The following NPAS2 variants were observed in gnomAD, a reference collection of about 807,000 sequenced individuals.
The protein encoded by NPAS2 is neuronal PAS domain protein 2, also known as neuronal PAS domain-containing protein 2.
Under a neutral mutation model 107.5 loss-of-function variants are expected in NPAS2, and 23 were observed. The ratio of observed to expected loss-of-function variants is 0.21; its 90% CI spans 0.15 to 0.30. The LOEUF (loss-of-function observed/expected upper bound fraction) is 0.30. NPAS2 is among the 10% of genes least tolerant of loss of function. The pLI is 1.00. For missense variants in NPAS2, 756 were observed against 1,043.3 expected, an observed-to-expected ratio of 0.72 and a Z score of 3.79; for synonymous variants, 403 against 417.5, an observed-to-expected ratio of 0.97 and a Z score of 0.42.
intron 1 of NPAS2, among the ~76,000 whole-genome samples, chr2:100,831,117 T>C (rs1676705247): frequency 6.6e-6 from 1 of 151,958 alleles, no homozygotes; most frequent in African/African-American, 2.4e-5. Flanking sequence ...CTGGGCAACA[T>C]GGTGAAACCG....
chr2:100,843,674 T>C (rs1454992988), intron 1 of NPAS2, among the ~76,000 whole-genome samples: 1 of 152,210 alleles, frequency 6.6e-6, no homozygotes, highest in East Asian at 1.9e-4. Context: ...CACACTTCAG[T>C]GTTCACTTTA....
Position 100,873,311 on chromosome 2 carries a change from C to T in NPAS2, c.-22-31422C>T, listed in dbSNP as rs201237259. ...ATATATATATATATATATATATACA[C>T]ACACACACACACACACACACACACA... On this transcript the variant is annotated intron_variant, in intron 1 of 20. Coordinates refer to ENST00000335681, the MANE Select transcript of NPAS2 (RefSeq NM_002518.4). Among the ~76,000 whole-genome samples, 372 of 38,818 alleles carry T rather than the reference C, an allele frequency of 9.6e-3. 1 individual carries two copies. Among genetic ancestry groups the T allele is most frequent in the African/African-American group, 0.014 (179 of 12,526 alleles). 25.5% of individuals were successfully genotyped at this position (38,818 alleles called of 152,430 possible).
intron 1 of NPAS2, among the ~76,000 whole-genome samples, chr2:100,831,349 T>C (rs1182506603): frequency 1.3e-5 from 2 of 152,094 alleles, no homozygotes; most frequent in Non-Finnish European, 2.9e-5. Context: ...ACGTCAGCAC[T>C]TCAGTTTGTG....
intron 1 of NPAS2, among the ~76,000 whole-genome samples, chr2:100,826,210 G>A (rs1676365324): frequency 1.3e-5 from 2 of 152,152 alleles, no homozygotes; most frequent in South Asian, 4.1e-4. Context: ...TTGGGAGGCC[G>A]AGGCGGGCGG....
At chr2:100,986,959 CAG>C (rs1169944507) in intron 16 of NPAS2, 1 of 152,204 alleles carries the variant, frequency 6.6e-6, no homozygotes, top group South Asian at 2.1e-4. Flanking sequence ...ATTTTTAAGA[CAG>C]AGTCTCACCC....
Position 100,937,791 on chromosome 2 carries a change from C to A in NPAS2, c.312C>A (p.Gly104=). The A allele has an allele frequency of 6.2e-7, 1 of 1,614,156 alleles. No homozygotes were observed. Among genetic ancestry groups the A allele is most frequent in the Non-Finnish European group, 8.5e-7 (1 of 1,180,000 alleles). Residue 104 remains glycine, a synonymous_variant, in exon 5 of 21, where the codon GGC becomes GGA. Coordinates refer to ENST00000335681, the MANE Select transcript of NPAS2 (RefSeq NM_002518.4). ...DGFIIAVTTD[G]SIIYVSDSIT... ...TCATTATCGCAGTGACAACAGACGG[C>A]AGCATCATCTATGTCTCTGACAGTA...
chr2:100,874,050 G>A (rs1361029669), intron 1 of NPAS2, among the ~76,000 whole-genome samples: 5 of 150,980 alleles, frequency 3.3e-5, no homozygotes, highest in Admixed American at 2.6e-4. Flanking sequence ...GCGTGATCTC[G>A]GCTCACTGCA....
chr2:100,891,231 C>CA (rs141211705), intron 1 of NPAS2, among the ~76,000 whole-genome samples: 3,818 of 93,748 alleles, frequency 0.041, 139 homozygotes, highest in African/African-American at 0.11. Context: ...GACTCCATCT[C>CA]AAAAAAAAAA....
chr2:100,965,054 A>G lies in NPAS2; in HGVS notation c.800+111A>G. 1.5e-6 allele frequency: 1 copy of G among 647,562 alleles called. No individual in the cohort carries two copies. Among genetic ancestry groups the G allele is most frequent in the Non-Finnish European group, 2.5e-6 (1 of 395,950 alleles). The allele number at this position is 647,562 out of a possible 1,614,324, so 40.1% of individuals were successfully genotyped here. Reference sequence around the variant, plus strand: ...GGCCCTGGTCCATTGAAAGAGGAGGACTCTCTGGCACTAGGAAAAGTCGTC... The same window carrying G: ...GGCCCTGGTCCATTGAAAGAGGAGGGCTCTCTGGCACTAGGAAAAGTCGTC... On this transcript the variant is annotated intron_variant, in intron 9 of 20. Coordinates refer to ENST00000335681, the MANE Select transcript of NPAS2 (RefSeq NM_002518.4). This position sits in a 1 kb window ranked among gnomAD's most constrained non-coding sequence, Gnocchi z 4.3.
intron 20 of NPAS2, chr2:100,993,731 C>T (rs1034321560): frequency 4.6e-6 from 2 of 436,664 alleles, no homozygotes; most frequent in African/African-American, 2.0e-5. Flanking sequence ...CATGAAATTA[C>T]GAGTCGGCTA....
At chr2:100,857,466 G>T (rs1242474889) in intron 1 of NPAS2, among the ~76,000 whole-genome samples, 1 of 152,206 alleles carries the variant, frequency 6.6e-6, no homozygotes, top group Non-Finnish European at 1.5e-5. Flanking sequence ...CAGCCCAGTG[G>T]ATTGTCAGTC....
chr2:100,975,520 C>T lies in NPAS2; in HGVS notation c.1345C>T (p.Pro449Ser). Residue 449 changes from proline (P) to serine (S), a missense_variant, in exon 14 of 21, where the codon CCC (proline) becomes TCC (serine). Physicochemically the swap from Pro to Ser is moderately conservative, Grantham distance 74 (BLOSUM62 -1). Transcript: ENST00000335681. Reference protein sequence around the residue: ...TPALPRSATLPQELPVPGLSQ... With the variant: ...TPALPRSATLSQELPVPGLSQ... ...GGCTTTGCCAAGATCAGCCACCCTG[C>T]CCCAAGAGTTACCTGTCCCCGGGCT... 6.2e-7 allele frequency: 1 copy of T among 1,612,988 alleles called. No homozygotes were observed. Among genetic ancestry groups the T allele is most frequent in the South Asian group, 1.1e-5 (1 of 90,820 alleles).
At chr2:100,889,174 G>A (rs935071052) in intron 1 of NPAS2, among the ~76,000 whole-genome samples, 5 of 152,302 alleles carry the variant, frequency 3.3e-5, no homozygotes, top group African/African-American at 4.8e-5. Flanking sequence ...CCCATTACCG[G>A]TGATGGTAAT....
At chr2:100,843,653 A>T (rs1677587919) in intron 1 of NPAS2, among the ~76,000 whole-genome samples, 1 of 152,320 alleles carries the variant, frequency 6.6e-6, no homozygotes, top group South Asian at 2.1e-4. Flanking sequence ...GAAGAAACAT[A>T]AAATGCTTTC....
chr2:100,928,848 G>A (rs943727028), intron 3 of NPAS2, among the ~76,000 whole-genome samples: 1 of 152,302 alleles, frequency 6.6e-6, no homozygotes, highest in Admixed American at 6.5e-5. Context: ...TATGAGCTGG[G>A]CAATATTCTA....
At chr2:100,895,022 A>C (rs1487705141) in intron 1 of NPAS2, among the ~76,000 whole-genome samples, 1 of 152,232 alleles carries the variant, frequency 6.6e-6, no homozygotes, top group Non-Finnish European at 1.5e-5. Flanking sequence ...GATGGAGTTT[A>C]CTGTGTCAAG....
intron 1 of NPAS2, among the ~76,000 whole-genome samples, chr2:100,857,103 C>T (rs1257642972): frequency 6.6e-6 from 1 of 152,048 alleles, no homozygotes; most frequent in Non-Finnish European, 1.5e-5. Context: ...GGCAGGAGTT[C>T]GAGACCAGCC....
chr2:100,919,642 A>G (rs1238507134), intron 2 of NPAS2, among the ~76,000 whole-genome samples: 2 of 152,082 alleles, frequency 1.3e-5, no homozygotes, highest in South Asian at 2.1e-4. Flanking sequence ...CCACTCATCC[A>G]AAAGCTCAGA....
At chr2:100,877,816 G>A (rs76945115) in intron 1 of NPAS2, among the ~76,000 whole-genome samples, 3,325 of 152,254 alleles carry the variant, frequency 0.022, 56 homozygotes, top group Non-Finnish European at 0.037. Flanking sequence ...AAGTGCAGCC[G>A]TGTCTTCAGC....
Sources: allele counts gnomAD v4.1 joint callset (sites outside exome capture counted in the v4.1 genomes callset), GRCh38; gene constraint gnomAD v4.1.1; non-coding constraint Gnocchi (gnomAD v3.1); transcripts MANE v1.5; gene names NCBI Gene and HGNC (gene_info 2026-07-23, HGNC 2026-07-21).